Variants in UBE2QL1 observed in about 807,000 individuals in gnomAD.
UBE2QL1 encodes the protein ubiquitin conjugating enzyme E2 QL1.
UBE2QL1 carries 5 observed loss-of-function variants against 12.6 expected under a neutral mutation model. That is an observed-to-expected ratio of 0.40 (90% CI 0.21 to 0.83). The LOEUF is 0.83. Ranked by LOEUF, UBE2QL1 falls within the 40% of genes least tolerant of loss-of-function variation. UBE2QL1 has a pLI of 0.37. For synonymous variants in UBE2QL1, 96 were observed against 94.5 expected, an observed-to-expected ratio of 1.02 and a Z score of -0.10; for missense variants, 99 against 222.6, an observed-to-expected ratio of 0.44 and a Z score of 3.53.
intron 1 of UBE2QL1, among the ~76,000 whole-genome samples, chr5:6,473,703 T>C (rs1032557059): frequency 3.9e-5 from 6 of 152,226 alleles, no homozygotes; most frequent in African/African-American, 1.4e-4. Flanking sequence ...AAAACCTCAG[T>C]ACCGTAAGAG....
intron 1 of UBE2QL1, among the ~76,000 whole-genome samples, chr5:6,465,163 T>G (rs560687095): frequency 3.8e-4 from 58 of 152,124 alleles, no homozygotes; most frequent in African/African-American, 1.4e-3. Flanking sequence ...ATTTTTGTAT[T>G]TTTAGTAGAG....
Position 6,481,875 on chromosome 5 carries a change from G to A in UBE2QL1, c.355-9343G>A, listed in dbSNP as rs61309108. Among the ~76,000 whole-genome samples the A allele has an allele frequency of 2.6e-5, 4 of 152,362 alleles. 1 individual carries two copies. In the South Asian group the frequency reaches 8.3e-4, roughly 32 times the overall value. On this transcript the variant is annotated intron_variant, in intron 1 of 1. Transcript: ENST00000399816. The surrounding 1 kb of genome is among the most constrained non-coding windows in gnomAD (Gnocchi z 4.5). ...CCTGCAGAATGGGTGCAAGTGCTGA[G>A]GTACAGGTGAAAGGCCTCTCTGTCA... is the stretch of plus-strand genomic sequence containing the variant.
At chr5:6,485,241 C>T (rs143411737) in intron 1 of UBE2QL1, among the ~76,000 whole-genome samples, 173 of 152,222 alleles carry the variant, frequency 1.1e-3, no homozygotes, top group Non-Finnish European at 2.0e-3. Context: ...CTGTCTCATC[C>T]GACTAGATCC....
At chr5:6,466,885 C>T (rs1203142561) in intron 1 of UBE2QL1, among the ~76,000 whole-genome samples, 1 of 152,132 alleles carries the variant, frequency 6.6e-6, no homozygotes, top group Non-Finnish European at 1.5e-5. Context: ...TCATACCATT[C>T]GCCAGAAAAC....
chr5:6,469,568 G>GTGTGTGTGTGTATAT (rs1468556152), intron 1 of UBE2QL1, among the ~76,000 whole-genome samples: 2 of 148,198 alleles, frequency 1.3e-5, no homozygotes, highest in Non-Finnish European at 3.0e-5. Context: ...CTAAGTGTGT[G>GTGTGTGTGTGTATAT]TGTGTGTGTG....
chr5:6,471,639 G>T (rs955477777), intron 1 of UBE2QL1, among the ~76,000 whole-genome samples: 1 of 152,144 alleles, frequency 6.6e-6, no homozygotes, highest in African/African-American at 2.4e-5. Context: ...CCATCACTCC[G>T]CCATCCTCTG....
rs557651508 is a variant in UBE2QL1, at chr5:6,493,167, C to T, written c.*1818C>T. 1 of 152,342 alleles carries T rather than the reference C, an allele frequency of 6.6e-6. No individual in the cohort carries two copies. Among genetic ancestry groups the T allele is most frequent in the South Asian group, 2.1e-4 (1 of 4,826 alleles). The allele number at this position is 152,342 out of a possible 1,614,324, so 9.4% of individuals were successfully genotyped here. Reference sequence around the variant, plus strand: ...AGTCGTGAAACTTGATGACAGTGAACTTACGATGTTCATTCATCCAACCCT... The same window carrying T: ...AGTCGTGAAACTTGATGACAGTGAATTTACGATGTTCATTCATCCAACCCT... On this transcript the variant is annotated 3_prime_UTR_variant, in exon 2 of 2. Transcript: ENST00000399816.
chr5:6,456,167 G>T (rs1332479527), intron 1 of UBE2QL1, among the ~76,000 whole-genome samples: 1 of 152,182 alleles, frequency 6.6e-6, no homozygotes, highest in Non-Finnish European at 1.5e-5. Flanking sequence ...ACCCTCTAAT[G>T]GGGAGAAGAC....
chr5:6,489,261 TA>T (rs1734520489), intron 1 of UBE2QL1, among the ~76,000 whole-genome samples: 1 of 151,852 alleles, frequency 6.6e-6, no homozygotes, highest in Non-Finnish European at 1.5e-5. Context: ...CCCATCTCTA[TA>T]AAAAATAAAA....
At chr5:6,452,969 G>A (rs1347015088) in intron 1 of UBE2QL1, among the ~76,000 whole-genome samples, 2 of 152,308 alleles carry the variant, frequency 1.3e-5, no homozygotes, top group East Asian at 1.9e-4. Context: ...ATCGCCAGGG[G>A]CAGGGAACCA....
intron 1 of UBE2QL1, among the ~76,000 whole-genome samples, chr5:6,453,072 T>TGCA (rs900775501): frequency 3.9e-5 from 6 of 152,214 alleles, no homozygotes; most frequent in South Asian, 4.2e-4. Flanking sequence ...TAATAATAAC[T>TGCA]GCAGCAGCAG....
chr5:6,452,868 G>T (rs1207495829), intron 1 of UBE2QL1, among the ~76,000 whole-genome samples: 1 of 152,136 alleles, frequency 6.6e-6, no homozygotes, highest in Admixed American at 6.6e-5. Context: ...CAGCAGCAGG[G>T]TCCCCAAAAG....
chr5:6,457,755 C>T (rs573562449), intron 1 of UBE2QL1, among the ~76,000 whole-genome samples: 17 of 152,340 alleles, frequency 1.1e-4, no homozygotes, highest in African/African-American at 2.9e-4. Flanking sequence ...AGTGCCAGAG[C>T]CACCTGGTCC....
chr5:6,478,468 T>C lies in UBE2QL1; in HGVS notation c.355-12750T>C, dbSNP rs1734284272. Among the ~76,000 whole-genome samples, 1 of 152,204 alleles carries C rather than the reference T, an allele frequency of 6.6e-6. No homozygotes were observed. The highest frequency in any genetic ancestry group is 1.5e-5 in the Non-Finnish European group (1 of 68,044). On this transcript the variant is annotated intron_variant, in intron 1 of 1. Coordinates refer to ENST00000399816, the MANE Select transcript of UBE2QL1 (RefSeq NM_001145161.3). The surrounding 1 kb of genome is among the most constrained non-coding windows in gnomAD (Gnocchi z 4.5). ...TCACGCGTTCCTTCTTGATGCAATATTTCTAGAACAACTAAGTTTGGGCTT... is the reference window on the plus strand; with the variant it reads ...TCACGCGTTCCTTCTTGATGCAATACTTCTAGAACAACTAAGTTTGGGCTT...
At chr5:6,462,164 G>A (rs78305080) in intron 1 of UBE2QL1, among the ~76,000 whole-genome samples, 13,494 of 152,168 alleles carry the variant, frequency 0.089, 992 homozygotes, top group East Asian at 0.35. Flanking sequence ...GTCAGGACTC[G>A]ACCAGAAAAG....
At chr5:6,482,653 A>G (rs979774187) in intron 1 of UBE2QL1, among the ~76,000 whole-genome samples, 4 of 152,286 alleles carry the variant, frequency 2.6e-5, no homozygotes, top group African/African-American at 4.8e-5. Context: ...ATAGGCAGAG[A>G]CATTTTTGGT....
At chr5:6,466,805 CAG>C (rs1227741496) in intron 1 of UBE2QL1, among the ~76,000 whole-genome samples, 4 of 152,194 alleles carry the variant, frequency 2.6e-5, no homozygotes, top group Non-Finnish European at 5.9e-5. Flanking sequence ...ATTTATTGGT[CAG>C]AGTGTTTTAG....
chr5:6,466,909 G>A (rs570960237), intron 1 of UBE2QL1, among the ~76,000 whole-genome samples: 1 of 152,308 alleles, frequency 6.6e-6, no homozygotes, highest in African/African-American at 2.4e-5. Context: ...CCAGCAGGAC[G>A]TTTGAGAGAG....
At chr5:6,455,929 C>G (rs1188412403) in intron 1 of UBE2QL1, among the ~76,000 whole-genome samples, 1 of 152,206 alleles carries the variant, frequency 6.6e-6, no homozygotes, top group Non-Finnish European at 1.5e-5. Flanking sequence ...CCTCCCTGGA[C>G]TGCTTATGTA....
Sources: allele counts gnomAD v4.1 joint callset (sites outside exome capture counted in the v4.1 genomes callset), GRCh38; gene constraint gnomAD v4.1.1; non-coding constraint Gnocchi (gnomAD v3.1); transcripts MANE v1.5; gene names NCBI Gene and HGNC (gene_info 2026-07-23, HGNC 2026-07-21).